Variants in PKN2 observed in about 807,000 individuals in gnomAD.
PKN2 encodes serine/threonine-protein kinase N2.
In PKN2, 38 loss-of-function variants were observed where a neutral mutation model predicts 119.1. That is an observed-to-expected ratio of 0.32 (90% confidence interval 0.25 to 0.42). The LOEUF is 0.42. Among genes scored for constraint, PKN2 ranks in the 10% least tolerant of loss-of-function variants. The probability of loss-of-function intolerance (pLI) is 1.00; values close to 1 mark genes in which losing one functional copy is unlikely to be tolerated. For missense variants in PKN2, 850 were observed against 1,165.1 expected (o/e 0.73, Z 3.94); for synonymous variants, 390 against 384.9 (o/e 1.01, Z -0.15).
chr1:88,686,408 A>G (rs1230085457), intron 1 of PKN2, among the ~76,000 whole-genome samples: 1 of 152,120 alleles, frequency 6.6e-6, no homozygotes, highest in Non-Finnish European at 1.5e-5. Flanking sequence ...GGATCTTTTA[A>G]TTAATAAGAT....
rs1570704074 is a variant in PKN2 at position 88,834,970 on chromosome 1, A to G, written c.*1522A>G. 2 of 152,494 alleles carry G rather than the reference A, an allele frequency of 1.3e-5. No individual in the cohort carries two copies. The highest frequency in any genetic ancestry group is 2.9e-5 in the Non-Finnish European group (2 of 67,930). 9.4% of individuals were successfully genotyped at this position (152,494 alleles called of 1,614,324 possible). The stretch of plus-strand genomic sequence containing the variant: ...GTTAAGTAACCATACTGAATTAACT[A>G]TTTAATTACAGTGAGCTCATCTCTT... On this transcript the variant is annotated 3_prime_UTR_variant, in exon 22 of 22. Coordinates refer to ENST00000370521, the MANE Select transcript of PKN2 (RefSeq NM_006256.4).
intron 3 of PKN2, among the ~76,000 whole-genome samples, chr1:88,761,962 C>A (rs989758797): frequency 4.6e-5 from 7 of 151,878 alleles, no homozygotes. Context: ...GCGATTTTAG[C>A]ACATTATACT....
intron 8 of PKN2, among the ~76,000 whole-genome samples, chr1:88,786,912 G>T (rs1028692964): frequency 6.7e-6 from 1 of 150,308 alleles, no homozygotes. Flanking sequence ...AAAATGTTTT[G>T]GTGATTACTG....
chr1:88,784,416 G>A (rs1349374405), intron 6 of PKN2, among the ~76,000 whole-genome samples: 1 of 151,982 alleles, frequency 6.6e-6, no homozygotes, highest in Non-Finnish European at 1.5e-5. Flanking sequence ...CCAGCCAGGA[G>A]GTGCTGTTCT....
chr1:88,809,423 T>C (rs915789268), intron 15 of PKN2, among the ~76,000 whole-genome samples: 1 of 152,242 alleles, frequency 6.6e-6, no homozygotes, highest in African/African-American at 2.4e-5. Flanking sequence ...GATTCTTAAA[T>C]GGTAAATTCA....
intron 11 of PKN2, 103 bp from the exon 12 acceptor site, chr1:88,805,786 AGT>A: frequency 6.2e-7 from 1 of 1,604,678 alleles, no homozygotes; most frequent in Non-Finnish European, 8.5e-7. Context: ...TTTTGAAAGT[AGT>A]GTTCTGTTTA....
chr1:88,769,894 G>A (rs898578196), intron 3 of PKN2, among the ~76,000 whole-genome samples: 9 of 152,114 alleles, frequency 5.9e-5, no homozygotes, highest in Admixed American at 2.0e-4. Flanking sequence ...AATACATAGC[G>A]TGAACTATAG....
At chr1:88,747,327 T>A (rs1248827060) in intron 2 of PKN2, among the ~76,000 whole-genome samples, 2 of 152,228 alleles carry the variant, frequency 1.3e-5, no homozygotes, top group Non-Finnish European at 2.9e-5. Context: ...TTGATCATTC[T>A]ACAATGTATA....
In PKN2 at chr1:88,781,110, A is replaced by G. The variant is rs1029260583; in HGVS notation, c.986-3529A>G. ...TTAAGTAACTAGGGAGAGAAATACT[A>G]CTGACATTAATAGAAGACTACACAT... is the stretch of plus-strand genomic sequence containing the variant. On this transcript the variant is annotated intron_variant, in intron 6 of 21. Coordinates refer to ENST00000370521, the MANE Select transcript of PKN2 (RefSeq NM_006256.4). The G allele has an allele frequency of 8.0e-6, 10 of 1,254,802 alleles. No homozygotes were observed. In the African/African-American group the frequency reaches 1.6e-4, roughly 20 times the overall value. 77.7% of individuals were successfully genotyped at this position (1,254,802 alleles called of 1,614,324 possible). A position where few individuals can be genotyped will look rare whatever the true frequency, so the allele number is the denominator to read the frequency against.
At chr1:88,754,680 G>A (rs1172520087) in intron 2 of PKN2, among the ~76,000 whole-genome samples, 1 of 152,222 alleles carries the variant, frequency 6.6e-6, no homozygotes, top group African/African-American at 2.4e-5. Context: ...GTATTTGGTA[G>A]ATGTGGCTAT....
intron 1 of PKN2, among the ~76,000 whole-genome samples, chr1:88,721,049 TATTTTTGTA>T (rs1445217512): frequency 2.6e-5 from 4 of 152,218 alleles, no homozygotes; most frequent in Non-Finnish European, 1.5e-5. Flanking sequence ...GCTGGTTCTG[TATTTTTGTA>T]ATTGCAAATT....
At position 88,792,479 on chromosome 1, in the gene PKN2, G is replaced by C. The variant is rs765228379; in HGVS notation, c.1281+6266G>C. ...CTATATGACTTCTTTGAGACTATGAGCTGTATAGTTGACCCTTGAGCAACG... is the reference window on the plus strand; with the variant it reads ...CTATATGACTTCTTTGAGACTATGACCTGTATAGTTGACCCTTGAGCAACG... On this transcript the variant is annotated intron_variant, in intron 8 of 21. Transcript: ENST00000370521. Among the ~76,000 whole-genome samples the C allele has an allele frequency of 1.2e-4, 19 of 152,210 alleles. 1 individual carries two copies. Among genetic ancestry groups the C allele is most frequent in the Non-Finnish European group, 2.2e-4 (15 of 68,026 alleles).
intron 2 of PKN2, among the ~76,000 whole-genome samples, chr1:88,752,302 C>A (rs994828806): frequency 2.0e-5 from 3 of 151,674 alleles, no homozygotes; most frequent in Non-Finnish European, 4.4e-5. Context: ...TTTGTTAATC[C>A]TGGTAATTTT....
chr1:88,820,212 ATATATATATATATAT>A (rs1672202991), intron 16 of PKN2, among the ~76,000 whole-genome samples: 1 of 114,728 alleles, frequency 8.7e-6, no homozygotes, highest in Non-Finnish European at 1.7e-5. Flanking sequence ...ATATATATAT[ATATATATATATATAT>A]ATATATAAAT....
intron 1 of PKN2, among the ~76,000 whole-genome samples, chr1:88,697,206 A>G (rs1666574111): frequency 6.6e-6 from 1 of 152,170 alleles, no homozygotes; most frequent in Non-Finnish European, 1.5e-5. Context: ...TAATTGTTAC[A>G]TGTCTCTACT....
intron 8 of PKN2, among the ~76,000 whole-genome samples, chr1:88,792,035 T>G (rs1396817827): frequency 6.6e-6 from 1 of 152,226 alleles, no homozygotes; most frequent in Non-Finnish European, 1.5e-5. Context: ...AGATACTGTT[T>G]TTTAACTTGT....
At chr1:88,822,710 A>G (rs1262260858) in intron 17 of PKN2, among the ~76,000 whole-genome samples, 1 of 150,904 alleles carries the variant, frequency 6.6e-6, no homozygotes, top group African/African-American at 2.4e-5. Flanking sequence ...TCCTGAGTAC[A>G]TGGAATTACA....
In PKN2 at chr1:88,770,881, G is replaced by T. The variant is rs1333978545; in HGVS notation, c.622+412G>T. Among the ~76,000 whole-genome samples the T allele has an allele frequency of 1.2e-4, 18 of 150,230 alleles. 1 individual carries two copies. In the South Asian group the frequency reaches 2.7e-3, roughly 23 times the overall value. ...ATTACAGGCGTGAGCCACCGCGCCC[G>T]GCCCTTTTTTTTTTTTTTAATCTTG... On this transcript the variant is annotated intron_variant, in intron 4 of 21. Coordinates refer to ENST00000370521, the MANE Select transcript of PKN2 (RefSeq NM_006256.4).
intron 8 of PKN2, among the ~76,000 whole-genome samples, chr1:88,794,297 G>T (rs1670970621): frequency 6.6e-6 from 1 of 151,730 alleles, no homozygotes; most frequent in South Asian, 2.1e-4. Context: ...AACCCGAGAG[G>T]CGGAGGTTGC....
Sources: allele counts gnomAD v4.1 joint callset (sites outside exome capture counted in the v4.1 genomes callset), GRCh38; gene constraint gnomAD v4.1.1; transcripts MANE v1.5; gene names NCBI Gene and HGNC (gene_info 2026-07-23, HGNC 2026-07-21).